Variants in NDST3 observed in about 807,000 individuals in gnomAD.
NDST3 encodes N-deacetylase and N-sulfotransferase 3, also known as bifunctional heparan sulfate N-deacetylase/N-sulfotransferase 3.
In NDST3, 58 loss-of-function variants were observed where a neutral mutation model predicts 96.1. The ratio of observed to expected loss-of-function variants is 0.60; its 90% confidence interval spans 0.49 to 0.75. The LOEUF (loss-of-function observed/expected upper bound fraction) is 0.75, where lower values mean the gene tolerates loss of function less well. NDST3 is among the 30% of genes least tolerant of loss of function. The probability of loss-of-function intolerance (pLI) is 0.00; values close to 1 mark genes in which losing one functional copy is unlikely to be tolerated. For synonymous variants in NDST3, 333 were observed against 359.7 expected (o/e 0.93, Z 0.84); for missense variants, 788 against 1,034.2 (o/e 0.76, Z 3.27).
In NDST3 at chr4:118,047,691, C is replaced by T. The variant is rs189529921; in HGVS notation, c.-155-6065C>T. 2.0e-5 allele frequency among the ~76,000 whole-genome samples: 3 copies of T among 152,150 alleles called. No homozygotes were observed. The East Asian group carries it at 5.8e-4, about 29-fold the overall frequency. ...GCTCTTCGGGCCAACTCAACTCAGA[C>T]AAAACTAAAGAAAAATAATTGTTAG... On this transcript the variant is annotated intron_variant, in intron 1 of 13. Coordinates refer to ENST00000296499, the MANE Select transcript of NDST3 (RefSeq NM_004784.3).
chr4:118,069,169 G>A (rs1304250534), intron 2 of NDST3, among the ~76,000 whole-genome samples: 1 of 152,074 alleles, frequency 6.6e-6, no homozygotes, highest in African/African-American at 2.4e-5. Flanking sequence ...GATTCCAGCA[G>A]AGAAGGTTAT....
intron 2 of NDST3, among the ~76,000 whole-genome samples, chr4:118,090,879 G>C (rs762255656): frequency 6.6e-6 from 1 of 151,812 alleles, no homozygotes; most frequent in Non-Finnish European, 1.5e-5. Flanking sequence ...CTGATTGGAT[G>C]AGATGTAAAG....
At chr4:118,230,681 T>C (rs972675879) in intron 8 of NDST3, among the ~76,000 whole-genome samples, 20 of 152,216 alleles carry the variant, frequency 1.3e-4, no homozygotes, top group African/African-American at 4.6e-4. Context: ...CAGATGAATC[T>C]GATACATGCT....
chr4:118,227,669 T>C (rs1245213694), intron 8 of NDST3, among the ~76,000 whole-genome samples: 1 of 145,708 alleles, frequency 6.9e-6, no homozygotes, highest in Non-Finnish European at 1.5e-5. Flanking sequence ...TGGAGTGCAG[T>C]GGCATGATCT....
At chr4:118,137,328 C>T (rs934600202) in intron 4 of NDST3, among the ~76,000 whole-genome samples, 1 of 151,538 alleles carries the variant, frequency 6.6e-6, no homozygotes, top group African/African-American at 2.4e-5. Context: ...TTTTGTATTA[C>T]TGTGTAATTT....
chr4:118,083,455 A>C (rs1728177600), intron 2 of NDST3, among the ~76,000 whole-genome samples: 1 of 152,164 alleles, frequency 6.6e-6, no homozygotes, highest in Non-Finnish European at 1.5e-5. Context: ...GGTATTCATT[A>C]AGTGTTCATT....
chr4:118,041,603 C>G (rs1395974223), intron 1 of NDST3, among the ~76,000 whole-genome samples: 4 of 152,206 alleles, frequency 2.6e-5, no homozygotes, highest in African/African-American at 9.6e-5. Flanking sequence ...CAGTTCTGTA[C>G]TGCTGATCAA....
chr4:118,084,830 A>T (rs1259185975), intron 2 of NDST3, among the ~76,000 whole-genome samples: 1 of 152,168 alleles, frequency 6.6e-6, no homozygotes, highest in African/African-American at 2.4e-5. Context: ...TTTAAAAACA[A>T]CTGGAATGGG....
chr4:118,063,651 T>C (rs1726076946), intron 2 of NDST3, among the ~76,000 whole-genome samples: 1 of 152,192 alleles, frequency 6.6e-6, no homozygotes, highest in African/African-American at 2.4e-5. Flanking sequence ...TAGGTAACAC[T>C]TACTGAGTAT....
chr4:118,101,307 T>C (rs1477711571), intron 2 of NDST3, among the ~76,000 whole-genome samples: 2 of 152,036 alleles, frequency 1.3e-5, no homozygotes, highest in Non-Finnish European at 2.9e-5. Context: ...TAGTTCTTTT[T>C]TGTCTTCAAC....
chr4:118,039,837 G>A (rs1012879761), intron 1 of NDST3, among the ~76,000 whole-genome samples: 1 of 152,206 alleles, frequency 6.6e-6, no homozygotes, highest in African/African-American at 2.4e-5. Context: ...CTGGAACTTA[G>A]AAGGGAGAGC....
intron 12 of NDST3, among the ~76,000 whole-genome samples, chr4:118,250,506 T>C (rs1322695707): frequency 6.6e-6 from 1 of 151,228 alleles, no homozygotes; most frequent in Non-Finnish European, 1.5e-5. Context: ...TTTTTTGAGA[T>C]GGAGTTTTGC....
At chr4:118,242,432 T>A (rs959126311) in intron 12 of NDST3, among the ~76,000 whole-genome samples, 1 of 152,212 alleles carries the variant, frequency 6.6e-6, no homozygotes, top group Non-Finnish European at 1.5e-5. Context: ...AAAGAAGTTA[T>A]CTGAAATAAA....
chr4:118,228,159 TC>T (rs1353124054), intron 8 of NDST3, among the ~76,000 whole-genome samples: 2 of 152,236 alleles, frequency 1.3e-5, no homozygotes, highest in Non-Finnish European at 2.9e-5. Flanking sequence ...TTCATTTTTT[TC>T]CTTAATGTCA....
At chr4:118,107,538 C>T (rs1730298101) in intron 3 of NDST3, among the ~76,000 whole-genome samples, 1 of 152,026 alleles carries the variant, frequency 6.6e-6, no homozygotes, top group Non-Finnish European at 1.5e-5. Context: ...TTAGAACATG[C>T]TCCCATTTGT....
intron 2 of NDST3, among the ~76,000 whole-genome samples, chr4:118,069,882 C>A (rs989308810): frequency 1.3e-5 from 2 of 151,674 alleles, no homozygotes; most frequent in Non-Finnish European, 2.9e-5. Context: ...TGTTATTTAA[C>A]CTTTATGTAT....
chr4:118,087,003 T>A (rs1728475375), intron 2 of NDST3, among the ~76,000 whole-genome samples: 1 of 152,148 alleles, frequency 6.6e-6, no homozygotes, highest in Non-Finnish European at 1.5e-5. Flanking sequence ...AAGATTTGCC[T>A]AGATAAATTG....
At position 118,257,489 on chromosome 4, in the gene NDST3, A is replaced by T. The variant is rs1742187484; in HGVS notation, c.*1777A>T. The T allele has an allele frequency of 6.6e-6, 1 of 152,138 alleles. No individual in the cohort carries two copies. The highest frequency in any genetic ancestry group is 2.4e-5 in the African/African-American group (1 of 41,410). 9.4% of individuals were successfully genotyped at this position (152,138 alleles called of 1,614,324 possible). ...ATACATAAAATTTAAGTAGTAAATT[A>T]ATTCCCTGCTATGATTATAAGCCTT... On this transcript the variant is annotated 3_prime_UTR_variant, in exon 14 of 14. Transcript: ENST00000296499.
At chr4:118,166,116 C>T (rs1273254051) in intron 6 of NDST3, among the ~76,000 whole-genome samples, 1 of 151,268 alleles carries the variant, frequency 6.6e-6, no homozygotes, top group African/African-American at 2.4e-5. Context: ...GAGAAAAAAT[C>T]AATGAAATTG....
Sources: gnomAD v4.1 joint callset for allele counts (sites outside exome capture counted in the v4.1 genomes callset) on GRCh38, gnomAD v4.1.1 for gene constraint, MANE v1.5 for transcripts, NCBI Gene and HGNC (gene_info 2026-07-23, HGNC 2026-07-21) for gene names.